PPFIA2: variants seen among roughly 807,000 people sequenced by gnomAD.
PPFIA2 encodes liprin-alpha-2.
A neutral mutation model predicts 175.5 loss-of-function variants in PPFIA2; 46 were observed. The ratio of observed to expected loss-of-function variants is 0.26; its 90% CI spans 0.21 to 0.34. The LOEUF (loss-of-function observed/expected upper bound fraction) is 0.34. Ranked by LOEUF, PPFIA2 falls within the 10% of genes least tolerant of loss-of-function variation. The pLI is 1.00. For missense variants in PPFIA2, 1,179 were observed against 1,506.1 expected (o/e 0.78, Z 3.60); for synonymous variants, 568 against 511.4 (o/e 1.11, Z -1.49).
intron 28 of PPFIA2, among the ~76,000 whole-genome samples, chr12:81,269,263 G>A (rs1208132094): frequency 1.3e-5 from 2 of 151,918 alleles, no homozygotes; most frequent in African/African-American, 2.4e-5. Flanking sequence ...AACTTAAGGG[G>A]ATATGAGAAA....
In PPFIA2 at chr12:81,275,556, T is replaced by C. The variant is rs569744094; in HGVS notation, c.3310+1761A>G. 1.5e-3 allele frequency among the ~76,000 whole-genome samples: 227 copies of C among 152,282 alleles called. 5 individuals carry two copies. The South Asian group carries it at 0.044, about 30-fold the overall frequency. ...TAATATTGGAGAATGTAATATATAC[T>C]ACTTTCTTATCTAAATTAAGCCTTA... On this transcript the variant is annotated intron_variant, in intron 28 of 32. Coordinates refer to ENST00000549396, the MANE Select transcript of PPFIA2 (RefSeq NM_003625.5).
At chr12:81,692,367 T>C (rs974611241) in intron 3 of PPFIA2, among the ~76,000 whole-genome samples, 11 of 152,092 alleles carry the variant, frequency 7.2e-5, no homozygotes, top group Admixed American at 2.0e-4. Flanking sequence ...AGCTAAACCG[T>C]GCCAAATTCC....
At chr12:81,451,456 G>A (rs2052564784) in intron 5 of PPFIA2, among the ~76,000 whole-genome samples, 1 of 152,144 alleles carries the variant, frequency 6.6e-6, no homozygotes, top group Non-Finnish European at 1.5e-5. Context: ...GAGGCTGCGT[G>A]TTTCTGGGAC....
intron 4 of PPFIA2, among the ~76,000 whole-genome samples, chr12:81,487,124 C>T (rs2058915881): frequency 6.6e-6 from 1 of 151,882 alleles, no homozygotes; most frequent in Admixed American, 6.6e-5. Context: ...TTTGGAGCAT[C>T]TGGAACCTCA....
chr12:81,542,582 T>C (rs570646728), intron 4 of PPFIA2, among the ~76,000 whole-genome samples: 75 of 152,294 alleles, frequency 4.9e-4, no homozygotes, highest in African/African-American at 1.8e-3. Flanking sequence ...AAGATAATGC[T>C]GACTAATATA....
chr12:81,716,696 C>T (rs1359908315), intron 3 of PPFIA2, among the ~76,000 whole-genome samples: 1 of 151,656 alleles, frequency 6.6e-6, no homozygotes, highest in East Asian at 1.9e-4. Context: ...TGGACTTACA[C>T]CTGTGAAGTC....
chr12:81,710,730 T>C (rs2077790350), intron 3 of PPFIA2, among the ~76,000 whole-genome samples: 1 of 147,536 alleles, frequency 6.8e-6, no homozygotes, highest in Non-Finnish European at 1.5e-5. Context: ...AATAATTTTA[T>C]GCATGAAACA....
chr12:81,651,928 G>C lies in PPFIA2; in HGVS notation c.303+24863C>G, dbSNP rs1164233397. Among the ~76,000 whole-genome samples, 4 of 151,920 alleles carry C rather than the reference G, an allele frequency of 2.6e-5. No individual in the cohort carries two copies. The East Asian group carries it at 7.7e-4, about 29-fold the overall frequency. Reference sequence around the variant, plus strand: ...ATTACAAAGAGGAGTTTCCACAGTTGACAGTTTTGACCAGCCAAAAGAAAA... The same window carrying C: ...ATTACAAAGAGGAGTTTCCACAGTTCACAGTTTTGACCAGCCAAAAGAAAA... On this transcript the variant is annotated intron_variant, in intron 4 of 32. Coordinates refer to ENST00000549396, the MANE Select transcript of PPFIA2 (RefSeq NM_003625.5).
chr12:81,482,830 G>A (rs1323897283), intron 4 of PPFIA2, among the ~76,000 whole-genome samples: 3 of 152,076 alleles, frequency 2.0e-5, no homozygotes, highest in Non-Finnish European at 4.4e-5. Flanking sequence ...CATGGCACAT[G>A]TGTACTTATG....
At chr12:81,631,662 C>A (rs938927286) in intron 4 of PPFIA2, among the ~76,000 whole-genome samples, 2 of 152,176 alleles carry the variant, frequency 1.3e-5, no homozygotes, top group African/African-American at 4.8e-5. Flanking sequence ...GATACCATTT[C>A]AACTAAGTTG....
intron 7 of PPFIA2, among the ~76,000 whole-genome samples, chr12:81,419,715 G>T (rs898286074): frequency 6.6e-6 from 1 of 151,994 alleles, no homozygotes; most frequent in Non-Finnish European, 1.5e-5. Flanking sequence ...GGATATTCAA[G>T]TTTGAGAAGG....
At chr12:81,726,686 A>G (rs925069732) in intron 3 of PPFIA2, among the ~76,000 whole-genome samples, 2 of 151,374 alleles carry the variant, frequency 1.3e-5, no homozygotes, top group Non-Finnish European at 3.0e-5. Flanking sequence ...AAACAAAACA[A>G]AACAACCCAC....
At chr12:81,696,340 G>A (rs2075888287) in intron 3 of PPFIA2, among the ~76,000 whole-genome samples, 1 of 152,080 alleles carries the variant, frequency 6.6e-6, no homozygotes, top group Non-Finnish European at 1.5e-5. Flanking sequence ...GATAAATCTG[G>A]TCTTGTCAAT....
At chr12:81,639,686 T>C (rs1263952756) in intron 4 of PPFIA2, among the ~76,000 whole-genome samples, 3 of 152,186 alleles carry the variant, frequency 2.0e-5, no homozygotes, top group Non-Finnish European at 4.4e-5. Context: ...AATGTTTTCT[T>C]AATTGATAAA....
chr12:81,606,553 C>T (rs1235924152), intron 4 of PPFIA2, among the ~76,000 whole-genome samples: 1 of 152,050 alleles, frequency 6.6e-6, no homozygotes, highest in Non-Finnish European at 1.5e-5. Flanking sequence ...TTTTCATTTG[C>T]AATTCTCTGA....
At chr12:81,464,522 G>C (rs1411264317) in intron 4 of PPFIA2, among the ~76,000 whole-genome samples, 2 of 152,120 alleles carry the variant, frequency 1.3e-5, no homozygotes, top group Admixed American at 1.3e-4. Context: ...TCAAGTGTCT[G>C]TGCTGCAAAT....
intron 4 of PPFIA2, among the ~76,000 whole-genome samples, chr12:81,580,623 T>C (rs2074260215): frequency 6.6e-6 from 1 of 151,560 alleles, no homozygotes; most frequent in Admixed American, 6.6e-5. Flanking sequence ...AATAAATTAT[T>C]TCCCTCACTT....
chr12:81,658,223 G>C (rs546666136), intron 4 of PPFIA2, among the ~76,000 whole-genome samples: 1 of 148,114 alleles, frequency 6.8e-6, no homozygotes, highest in Non-Finnish European at 1.5e-5. Context: ...AGCCCAGATC[G>C]TGCCATTGCA....
chr12:81,696,650 T>C (rs2075927169), intron 3 of PPFIA2, among the ~76,000 whole-genome samples: 1 of 152,124 alleles, frequency 6.6e-6, no homozygotes. Flanking sequence ...CATAATGGCC[T>C]CAGCGAAACT....
Sources: allele counts gnomAD v4.1 joint callset (sites outside exome capture counted in the v4.1 genomes callset), GRCh38; gene constraint gnomAD v4.1.1; transcripts MANE v1.5; gene names NCBI Gene and HGNC (gene_info 2026-07-23, HGNC 2026-07-21).